NTMT1: variants seen among roughly 807,000 people sequenced by gnomAD.
NTMT1 encodes the protein N-terminal RCC1 methyltransferase.
Under a neutral mutation model 17.5 loss-of-function variants are expected in NTMT1, and 8 were observed. That is an observed-to-expected ratio of 0.46 (90% CI 0.27 to 0.82). The LOEUF (loss-of-function observed/expected upper bound fraction) is 0.82. Ranked by LOEUF, NTMT1 falls within the 40% of genes least tolerant of loss-of-function variation. The probability of loss-of-function intolerance (pLI) is 0.15; values close to 1 mark genes in which losing one functional copy is unlikely to be tolerated. For missense variants in NTMT1, 221 were observed against 303.5 expected (o/e 0.73, Z 2.02); for synonymous variants, 128 against 126.8 (o/e 1.01, Z -0.06).
At chr9:129,627,249 C>T (rs1830945805) in intron 1 of NTMT1, among the ~76,000 whole-genome samples, 2 of 151,394 alleles carry the variant, frequency 1.3e-5, no homozygotes, top group South Asian at 4.2e-4. Context: ...GGTGGGGGTT[C>T]TGTGCTTATA....
intron 1 of NTMT1, among the ~76,000 whole-genome samples, chr9:129,631,817 G>A (rs986633563): frequency 6.6e-6 from 1 of 152,244 alleles, no homozygotes; most frequent in East Asian, 1.9e-4. Flanking sequence ...CCCCGCACCC[G>A]ACTCCACTTC....
upstream of NTMT1, among the ~76,000 whole-genome samples, chr9:129,625,522 C>T (rs916921468): frequency 3.3e-5 from 5 of 152,112 alleles, no homozygotes; most frequent in Non-Finnish European, 7.3e-5. Context: ...GGCTCTTTTC[C>T]GTTCGGGAGG....
At chr9:129,619,036 A>T (rs964741227) in intron 1 of NTMT1, among the ~76,000 whole-genome samples, 1 of 152,014 alleles carries the variant, frequency 6.6e-6, no homozygotes, top group Non-Finnish European at 1.5e-5. Context: ...TTTTAGATGG[A>T]TGACTGGCTA....
chr9:129,624,493 A>G (rs1035831117), upstream of NTMT1, among the ~76,000 whole-genome samples: 3 of 152,142 alleles, frequency 2.0e-5, no homozygotes, highest in South Asian at 4.1e-4. Context: ...ATGCACATAC[A>G]CACATCCTGC....
At chr9:129,625,587 T>C (rs1830860058), upstream of NTMT1, among the ~76,000 whole-genome samples, 1 of 149,926 alleles carries the variant, frequency 6.7e-6, no homozygotes, top group Non-Finnish European at 1.5e-5. Flanking sequence ...TAACCTGTGT[T>C]GGGCGCGGTG....
At chr9:129,631,029 C>T (rs931542088) in intron 1 of NTMT1, among the ~76,000 whole-genome samples, 2 of 152,202 alleles carry the variant, frequency 1.3e-5, no homozygotes, top group Non-Finnish European at 2.9e-5. Flanking sequence ...TTTCCGAGCT[C>T]ACCTTCCACA....
chr9:129,613,138 G>A lies in NTMT1; in HGVS notation c.-55+3960G>A. The A allele has an allele frequency of 6.2e-7, 1 of 1,613,910 alleles. No homozygotes were observed. The highest frequency in any genetic ancestry group is 8.5e-7 in the Non-Finnish European group (1 of 1,180,014). Reference sequence around the variant, plus strand: ...CAGGTTTCTGTGCGGGTCCAAGAAGGCTCGGAGGCTGCTTCGCGGCCTCTG... The same window carrying A: ...CAGGTTTCTGTGCGGGTCCAAGAAGACTCGGAGGCTGCTTCGCGGCCTCTG... On this transcript the variant is annotated intron_variant, in intron 1 of 3. Transcript: ENST00000372486. The surrounding 1 kb of genome is among the most constrained non-coding windows in gnomAD (Gnocchi z 6.2).
chr9:129,627,258 T>C (rs912174483), intron 1 of NTMT1, among the ~76,000 whole-genome samples: 5 of 149,750 alleles, frequency 3.3e-5, no homozygotes, highest in Admixed American at 1.3e-4. Flanking sequence ...TCTGTGCTTA[T>C]AGGCAGAGGA....
At chr9:129,634,697 G>A (rs1014085103) in intron 3 of NTMT1, 22 of 222,370 alleles carry the variant, frequency 9.9e-5, no homozygotes, top group African/African-American at 4.2e-4. Context: ...CACCTCGAGC[G>A]CTGTGCCCTG....
intron 1 of NTMT1, among the ~76,000 whole-genome samples, chr9:129,611,375 G>A (rs1025287028): frequency 6.6e-6 from 1 of 152,210 alleles, no homozygotes; most frequent in African/African-American, 2.4e-5. Context: ...CAAACCTGGT[G>A]GGCAGGGTCT....
At position 129,620,551 on chromosome 9, in the gene NTMT1, TGG is replaced by T; in HGVS notation, c.-55+11375_-55+11376del. 2 of 1,397,316 alleles carry T rather than the reference TGG, an allele frequency of 1.4e-6. No homozygotes were observed. Among genetic ancestry groups the T allele is most frequent in the Non-Finnish European group, 1.9e-6 (2 of 1,072,474 alleles). 86.6% of individuals were successfully genotyped at this position (1,397,316 alleles called of 1,614,324 possible). ...CCTTGGGCGCCAGGTCCTGGGCCCC[TGG>T]GCGAAGTCGACGCCAGAACATGCTT... On this transcript the variant is annotated intron_variant, in intron 1 of 3. Transcript: ENST00000372486. The surrounding 1 kb of genome is among the most constrained non-coding windows in gnomAD (Gnocchi z 5.8).
chr9:129,622,724 C>G (rs4240435), upstream of NTMT1, among the ~76,000 whole-genome samples: 148,004 of 152,060 alleles, frequency 0.97, 72,049 homozygotes, highest in Middle Eastern at 0.99. Flanking sequence ...ATTTGAGACT[C>G]TGTCTCACAA....
Position 129,634,061 on chromosome 9 carries a change from C to A in NTMT1, c.170C>A (p.Pro57Gln). The A allele has an allele frequency of 6.2e-7, 1 of 1,613,500 alleles. No individual in the cohort carries two copies. Among genetic ancestry groups the A allele is most frequent in the Non-Finnish European group, 8.5e-7 (1 of 1,179,676 alleles). ...TATGCCTCTGCTTTTCAGGAAGGCC[C>A]GAACAAGACAGGAACGTCCTGTGCC... ...KFLQRFLREGPNKTGTSCALD... is the reference protein window; with the variant it reads ...KFLQRFLREGQNKTGTSCALD... Residue 57 changes from proline to glutamine, a missense_variant, in exon 3 of 4, where the codon CCG becomes CAG. Physicochemically the swap from Pro to Gln is moderately conservative, Grantham distance 76. Transcript: ENST00000372483.
chr9:129,632,633 C>T lies in NTMT1; in HGVS notation c.-54-17C>T. 2 of 1,583,928 alleles carry T rather than the reference C, an allele frequency of 1.3e-6. No individual in the cohort carries two copies. The highest frequency in any genetic ancestry group is 1.7e-6 in the Non-Finnish European group (2 of 1,159,366). ...CAGGTCCCTGGCCCGCTGACTCACGCCCCCTTCCTTACCCAGGAGAGTCGC... is the reference window on the plus strand; with the variant it reads ...CAGGTCCCTGGCCCGCTGACTCACGTCCCCTTCCTTACCCAGGAGAGTCGC... On this transcript the variant is annotated splice_polypyrimidine_tract_variant and intron_variant, in intron 1 of 3. Transcript: ENST00000372483.
At chr9:129,629,762 G>A (rs1831066459) in intron 1 of NTMT1, among the ~76,000 whole-genome samples, 1 of 152,206 alleles carries the variant, frequency 6.6e-6, no homozygotes, top group South Asian at 2.1e-4. Flanking sequence ...ACCCTTGTGC[G>A]TGAACAGTAA....
chr9:129,620,446 A>T lies in NTMT1; in HGVS notation c.-55+11268A>T. ...AGTCCCCGGAGCCCCGCGCGCCCAG[A>T]GCCGCTCGGAGCGCGGGCGGGGTCA... On this transcript the variant is annotated intron_variant, in intron 1 of 3. Coordinates refer to the NTMT1 transcript ENST00000372486. This position sits in a 1 kb window ranked among gnomAD's most constrained non-coding sequence, Gnocchi z 5.8. 1.5e-6 allele frequency: 2 copies of T among 1,308,924 alleles called. No homozygotes were observed. The highest frequency in any genetic ancestry group is 4.1e-5 in the South Asian group (2 of 49,134). 81.1% of individuals were successfully genotyped at this position (1,308,924 alleles called of 1,614,324 possible).
intron 1 of NTMT1, among the ~76,000 whole-genome samples, chr9:129,615,135 C>T (rs918987021): frequency 6.6e-6 from 1 of 152,320 alleles, no homozygotes; most frequent in Middle Eastern, 3.4e-3. Context: ...CTCCTCCAGC[C>T]CCTGTAGGCT....
At chr9:129,632,046 C>T (rs144913237) in intron 1 of NTMT1, among the ~76,000 whole-genome samples, 28 of 152,284 alleles carry the variant, frequency 1.8e-4, no homozygotes, top group African/African-American at 6.7e-4. Context: ...GCTTCCCTGG[C>T]CCTCCAGGGT....
chr9:129,616,838 GGAGGCAGGCA>G (rs1017405439), intron 1 of NTMT1, among the ~76,000 whole-genome samples: 2 of 152,128 alleles, frequency 1.3e-5, no homozygotes, highest in Admixed American at 1.3e-4. Flanking sequence ...CAGCACTTTG[GGAGGCAGGCA>G]GATCAAAAGG....
Sources: gnomAD v4.1 joint callset for allele counts (sites outside exome capture counted in the v4.1 genomes callset) on GRCh38, gnomAD v4.1.1 for gene constraint, Gnocchi (gnomAD v3.1) non-coding constraint, MANE v1.5 for transcripts, NCBI Gene and HGNC (gene_info 2026-07-23, HGNC 2026-07-21) for gene names.